NSMCE2: variants seen among roughly 807,000 people sequenced by gnomAD.
NSMCE2 encodes the protein NSE2 SUMO ligase component of SMC5/6 complex.
A neutral mutation model predicts 23.8 loss-of-function variants in NSMCE2; 24 were observed. The ratio of observed to expected loss-of-function variants is 1.01; its 90% confidence interval spans 0.73 to 1.42. The LOEUF (loss-of-function observed/expected upper bound fraction) is 1.42, where lower values mean the gene tolerates loss of function less well. Ranked by LOEUF, NSMCE2 falls within the 40% of genes most tolerant of loss-of-function variation. NSMCE2 has a pLI of 0.00. For missense variants in NSMCE2, 284 were observed against 296.5 expected (o/e 0.96, Z 0.31); for synonymous variants, 92 against 94.1 (o/e 0.98, Z 0.13).
rs1035805879 is a variant in NSMCE2 at position 125,143,114 on chromosome 8, A to ACG, written c.158-8056_158-8055insGC. On this transcript the variant is annotated intron_variant, in intron 3 of 7. Coordinates refer to ENST00000287437, the MANE Select transcript of NSMCE2 (RefSeq NM_173685.4). ...TGGGTGCACGCACACACACACACAC[A>ACG]CACACACAGAGGTAGGTGCATGTAT... Among the ~76,000 whole-genome samples the ACG allele has an allele frequency of 2.6e-5, 4 of 152,034 alleles. No individual in the cohort carries two copies. The East Asian group carries it at 7.7e-4, about 29-fold the overall frequency.
At chr8:125,158,327 A>G (rs991115521) in intron 4 of NSMCE2, among the ~76,000 whole-genome samples, 3 of 152,166 alleles carry the variant, frequency 2.0e-5, no homozygotes, top group Non-Finnish European at 4.4e-5. Flanking sequence ...CATGCGGTGA[A>G]TGCTTAGTCT....
intron 4 of NSMCE2, chr8:125,155,922 A>C: frequency 2.2e-6 from 1 of 446,086 alleles, no homozygotes; most frequent in Non-Finnish European, 4.5e-6. Context: ...AATGTAGCTA[A>C]ATGAGAATGA....
Position 125,367,018 on chromosome 8 carries a change from A to T in NSMCE2, c.*133A>T, listed in dbSNP as rs1813826665. 1 of 613,054 alleles carries T rather than the reference A, an allele frequency of 1.6e-6. No homozygotes were observed. Among genetic ancestry groups the T allele is most frequent in the African/African-American group, 1.8e-5 (1 of 54,778 alleles). The allele number at this position is 613,054 out of a possible 1,614,324, so 38.0% of individuals were successfully genotyped here. A position where few individuals can be genotyped will look rare whatever the true frequency, so the allele number is the denominator to read the frequency against. On this transcript the variant is annotated 3_prime_UTR_variant, in exon 8 of 8. Transcript: ENST00000287437. The stretch of plus-strand genomic sequence containing the variant: ...GTTGGGGGTAAAACTTGTTGCTTTT[A>T]TGTGTGCTTGAAAACATTTTTCAAA...
At chr8:125,242,791 C>T (rs1373213319) in intron 5 of NSMCE2, among the ~76,000 whole-genome samples, 4 of 152,114 alleles carry the variant, frequency 2.6e-5, no homozygotes, top group Non-Finnish European at 5.9e-5. Context: ...AAACGCATAC[C>T]CATGCGATGG....
chr8:125,243,415 A>T (rs1350867126), intron 5 of NSMCE2, among the ~76,000 whole-genome samples: 2 of 152,186 alleles, frequency 1.3e-5, no homozygotes, highest in Non-Finnish European at 2.9e-5. Flanking sequence ...GGAAGATCCA[A>T]AAGGATCTGT....
intron 3 of NSMCE2, among the ~76,000 whole-genome samples, chr8:125,136,935 G>A (rs1053852530): frequency 2.0e-5 from 3 of 152,124 alleles, no homozygotes; most frequent in African/African-American, 7.2e-5. Flanking sequence ...GAAACTTGCA[G>A]TGTGTGGAGG....
At chr8:125,216,251 T>C (rs1008822637) in intron 5 of NSMCE2, among the ~76,000 whole-genome samples, 3 of 152,268 alleles carry the variant, frequency 2.0e-5, no homozygotes, top group African/African-American at 7.2e-5. Flanking sequence ...CTTTTGGATA[T>C]AATGCTGCTG....
intron 4 of NSMCE2, among the ~76,000 whole-genome samples, chr8:125,153,035 C>T (rs537260932): frequency 8.4e-6 from 1 of 119,328 alleles, no homozygotes; most frequent in East Asian, 2.5e-4. Flanking sequence ...CCAGCCTGGG[C>T]GACAGAGCGA....
intron 3 of NSMCE2, among the ~76,000 whole-genome samples, chr8:125,117,755 A>G (rs1819083812): frequency 1.3e-5 from 2 of 151,978 alleles, no homozygotes; most frequent in Admixed American, 1.3e-4. Context: ...TTCCCTTTTA[A>G]CTAGGTTTCC....
chr8:125,229,347 A>G (rs1825226314), intron 5 of NSMCE2, among the ~76,000 whole-genome samples: 1 of 152,096 alleles, frequency 6.6e-6, no homozygotes, highest in Non-Finnish European at 1.5e-5. Flanking sequence ...TTTAAATCAC[A>G]CATCCTTAAT....
chr8:125,338,809 A>G (rs1276856017), intron 5 of NSMCE2, among the ~76,000 whole-genome samples: 1 of 152,230 alleles, frequency 6.6e-6, no homozygotes, highest in East Asian at 1.9e-4. Context: ...GCATGATGAA[A>G]CTGAATGATT....
At chr8:125,277,016 ATCTT>A (rs1827476734) in intron 5 of NSMCE2, among the ~76,000 whole-genome samples, 1 of 152,134 alleles carries the variant, frequency 6.6e-6, no homozygotes, top group African/African-American at 2.4e-5. Flanking sequence ...GGCGCATGAG[ATCTT>A]TCTTACAGCA....
chr8:125,148,495 C>T (rs115808833), intron 3 of NSMCE2, among the ~76,000 whole-genome samples: 2,321 of 152,292 alleles, frequency 0.015, 40 homozygotes, highest in Admixed American at 0.048. Flanking sequence ...ATATCTATTT[C>T]CACTGATTTA....
At chr8:125,316,732 T>TTTCCTTCCTTCC (rs58493916) in intron 5 of NSMCE2, among the ~76,000 whole-genome samples, 4,337 of 102,308 alleles carry the variant, frequency 0.042, 183 homozygotes, top group African/African-American at 0.07. Flanking sequence ...CTTTCCTTCT[T>TTTCCTTCCTTCC]TTCCTTCCTT....
chr8:125,198,778 G>A (rs924668754), intron 5 of NSMCE2, among the ~76,000 whole-genome samples: 6 of 152,274 alleles, frequency 3.9e-5, no homozygotes, highest in Admixed American at 6.5e-5. Context: ...GCTCCTCTTT[G>A]TACCTCTGGT....
chr8:125,319,965 C>T (rs981876066), intron 5 of NSMCE2, among the ~76,000 whole-genome samples: 75 of 152,058 alleles, frequency 4.9e-4, no homozygotes, highest in African/African-American at 1.8e-3. Context: ...CACCTGAGGT[C>T]AGGAGTTCCA....
chr8:125,141,241 GC>G (rs1218636270), intron 3 of NSMCE2, among the ~76,000 whole-genome samples: 2 of 152,148 alleles, frequency 1.3e-5, no homozygotes, highest in Non-Finnish European at 2.9e-5. Flanking sequence ...CTGAGGTAGA[GC>G]AATTTATTTA....
At chr8:125,241,179 T>G (rs576400026) in intron 5 of NSMCE2, among the ~76,000 whole-genome samples, 109 of 152,320 alleles carry the variant, frequency 7.2e-4, no homozygotes, top group Admixed American at 1.2e-3. Context: ...TTTTATGGCA[T>G]TTCGGATTTT....
At chr8:125,318,838 A>G (rs1829312612) in intron 5 of NSMCE2, among the ~76,000 whole-genome samples, 1 of 152,174 alleles carries the variant, frequency 6.6e-6, no homozygotes, top group Admixed American at 6.5e-5. Context: ...GGGAAGGGGA[A>G]CCTAGGCAGA....
Sources: gnomAD v4.1 joint callset for allele counts (sites outside exome capture counted in the v4.1 genomes callset) on GRCh38, gnomAD v4.1.1 for gene constraint, MANE v1.5 for transcripts, NCBI Gene and HGNC (gene_info 2026-07-23, HGNC 2026-07-21) for gene names.